Variants in FHIT observed in about 807,000 individuals in gnomAD.
The protein encoded by FHIT is bis(5'-adenosyl)-triphosphatase.
In FHIT, 19 loss-of-function variants were observed where a neutral mutation model predicts 17.9. The ratio of observed to expected loss-of-function variants is 1.06; its 90% CI spans 0.74 to 1.56. The LOEUF (loss-of-function observed/expected upper bound fraction) is 1.56, where lower values mean the gene tolerates loss of function less well. Ranked by LOEUF, FHIT falls within the 40% of genes most tolerant of loss-of-function variation. The pLI is 0.00. For missense variants in FHIT, 248 were observed against 189.2 expected (o/e 1.31, Z -1.82); for synonymous variants, 81 against 69.7 (o/e 1.16, Z -0.81).
At chr3:60,973,109 C>A (rs959911788) in intron 3 of FHIT, among the ~76,000 whole-genome samples, 1 of 152,108 alleles carries the variant, frequency 6.6e-6, no homozygotes, top group Admixed American at 6.6e-5. Context: ...CTACTACTTT[C>A]TAGTGAATGA....
chr3:60,621,239 C>T (rs1553678448), intron 4 of FHIT, among the ~76,000 whole-genome samples: 1 of 149,692 alleles, frequency 6.7e-6, no homozygotes, highest in Non-Finnish European at 1.5e-5. Flanking sequence ...ACCTCCACCT[C>T]CTGGATTCAA....
rs151136133 is a variant in FHIT at position 61,154,621 on chromosome 3, G to A, written c.-164+45996C>T. ...TCCTGCTACTTCTGAACGGCAGCGC[G>A]TGTCCTTGGGGACATGGGATTTCTG... On this transcript the variant is annotated intron_variant, in intron 2 of 9. Transcript: ENST00000492590. Among the ~76,000 whole-genome samples the A allele has an allele frequency of 3.8e-3, 574 of 152,240 alleles. 1 individual carries two copies. The highest frequency in any genetic ancestry group is 0.013 in the African/African-American group (548 of 41,538).
At chr3:60,596,375 G>T (rs573805571) in intron 4 of FHIT, among the ~76,000 whole-genome samples, 2 of 152,214 alleles carry the variant, frequency 1.3e-5, no homozygotes, top group South Asian at 4.1e-4. Flanking sequence ...TGCCGACACT[G>T]CACTAGCCTT....
At chr3:60,961,949 T>C (rs1709474171) in intron 3 of FHIT, among the ~76,000 whole-genome samples, 1 of 152,342 alleles carries the variant, frequency 6.6e-6, no homozygotes, top group African/African-American at 2.4e-5. Context: ...AAGGTAGTTT[T>C]TTCCAATTCT....
intron 5 of FHIT, among the ~76,000 whole-genome samples, chr3:60,429,814 G>A (rs1283209985): frequency 1.3e-5 from 2 of 152,004 alleles, no homozygotes; most frequent in Non-Finnish European, 2.9e-5. Context: ...TCACTGTATA[G>A]GTGTGGAAGC....
At chr3:59,935,577 C>T (rs373132651) in intron 7 of FHIT, among the ~76,000 whole-genome samples, 1 of 152,084 alleles carries the variant, frequency 6.6e-6, no homozygotes, top group Non-Finnish European at 1.5e-5. Context: ...TTTCTTTTCC[C>T]TAACCCTAGG....
At chr3:60,739,654 C>G (rs567201802) in intron 4 of FHIT, among the ~76,000 whole-genome samples, 116 of 152,296 alleles carry the variant, frequency 7.6e-4, no homozygotes, top group Non-Finnish European at 1.5e-3. Context: ...CACACATACT[C>G]CCTCAATTAT....
rs1056418765 is a variant in FHIT, at chr3:59,933,199, C to T, written c.280-10785G>A. ...ATCTAGAGAAATGTGGGTTCTTTCACGGGCTGGTAAATAAATCCCCCAAAT... is the reference window on the plus strand; with the variant it reads ...ATCTAGAGAAATGTGGGTTCTTTCATGGGCTGGTAAATAAATCCCCCAAAT... On this transcript the variant is annotated intron_variant, in intron 7 of 9. Transcript: ENST00000492590. 3.3e-5 allele frequency among the ~76,000 whole-genome samples: 5 copies of T among 152,214 alleles called. No homozygotes were observed. In the East Asian group the frequency reaches 5.8e-4, roughly 18 times the overall value.
At chr3:60,914,272 TA>T (rs1706890249) in intron 3 of FHIT, among the ~76,000 whole-genome samples, 1 of 152,122 alleles carries the variant, frequency 6.6e-6, no homozygotes, top group Non-Finnish European at 1.5e-5. Flanking sequence ...ATTGGTAAAA[TA>T]AGGAATACAT....
At chr3:60,117,500 A>G (rs1264337525) in intron 5 of FHIT, among the ~76,000 whole-genome samples, 1 of 149,692 alleles carries the variant, frequency 6.7e-6, no homozygotes, top group East Asian at 1.9e-4. Context: ...TATCTAAAAA[A>G]AAAAAAAAAA....
rs1278704357 is a variant in FHIT, at chr3:60,686,060, C to T, written c.-18+135859G>A. 5.3e-5 allele frequency among the ~76,000 whole-genome samples: 8 copies of T among 152,160 alleles called. No homozygotes were observed. In the Middle Eastern group the frequency reaches 0.01, roughly 195 times the overall value. ...TCTGAATGCAACTTTATTTTGACTC[C>T]GTTCCTGAAGTATGAGTATCTTTGG... On this transcript the variant is annotated intron_variant, in intron 4 of 9. Coordinates refer to ENST00000492590, the MANE Select transcript of FHIT (RefSeq NM_002012.4).
At chr3:60,384,060 G>A (rs1380290114) in intron 5 of FHIT, among the ~76,000 whole-genome samples, 1 of 152,028 alleles carries the variant, frequency 6.6e-6, no homozygotes, top group African/African-American at 2.4e-5. Flanking sequence ...ACGAGGTCAG[G>A]AGATCAAGAC....
intron 2 of FHIT, among the ~76,000 whole-genome samples, chr3:61,125,455 C>T (rs2036579878): frequency 6.6e-6 from 1 of 152,096 alleles, no homozygotes; most frequent in African/African-American, 2.4e-5. Flanking sequence ...CTTATAAATA[C>T]CTAATTGTTC....
chr3:61,122,767 C>T (rs570777244), intron 2 of FHIT, among the ~76,000 whole-genome samples: 17 of 152,062 alleles, frequency 1.1e-4, no homozygotes, highest in African/African-American at 3.9e-4. Flanking sequence ...CATCATCACT[C>T]GTCATTAGAA....
At chr3:60,616,290 T>C (rs1382198937) in intron 4 of FHIT, among the ~76,000 whole-genome samples, 3 of 152,180 alleles carry the variant, frequency 2.0e-5, no homozygotes, top group East Asian at 3.8e-4. Context: ...CATTTGAAAA[T>C]ATAAGCAAAA....
At chr3:61,150,237 A>G (rs1380215960) in intron 2 of FHIT, among the ~76,000 whole-genome samples, 2 of 152,178 alleles carry the variant, frequency 1.3e-5, no homozygotes, top group Non-Finnish European at 2.9e-5. Context: ...GAGCCCACTG[A>G]GAGGCTTTTA....
intron 2 of FHIT, among the ~76,000 whole-genome samples, chr3:61,177,092 G>A (rs1046372150): frequency 2.0e-5 from 3 of 151,782 alleles, no homozygotes; most frequent in African/African-American, 7.3e-5. Flanking sequence ...CAGGAGAATG[G>A]TGTGAACCTG....
At chr3:60,175,705 A>G (rs1701639065) in intron 5 of FHIT, among the ~76,000 whole-genome samples, 1 of 152,200 alleles carries the variant, frequency 6.6e-6, no homozygotes, top group African/African-American at 2.4e-5. Flanking sequence ...GAAGGGCAAC[A>G]AGAACACCTC....
At chr3:59,915,937 G>GAA (rs68033255) in intron 8 of FHIT, among the ~76,000 whole-genome samples, 59,109 of 142,034 alleles carry the variant, frequency 0.42, 13,199 homozygotes, top group Non-Finnish European at 0.51. Context: ...GTCTCTTAGG[G>GAA]AAAAAAAAAA....
Sources: allele counts gnomAD v4.1 joint callset (sites outside exome capture counted in the v4.1 genomes callset), GRCh38; gene constraint gnomAD v4.1.1; transcripts MANE v1.5; gene names NCBI Gene and HGNC (gene_info 2026-07-23, HGNC 2026-07-21).